The following CHD1 variants were observed in gnomAD, a reference collection of about 807,000 sequenced individuals.
CHD1 encodes chromodomain helicase DNA binding protein 1.
Under a neutral mutation model 224.2 loss-of-function variants are expected in CHD1, and 36 were observed. That is an observed-to-expected ratio of 0.16 (90% CI 0.12 to 0.21). The LOEUF is 0.21. Among genes scored for constraint, CHD1 ranks in the 10% least tolerant of loss-of-function variants. The pLI is 1.00. For missense variants in CHD1, 1,378 were observed against 1,994.8 expected (o/e 0.69, Z 5.89); for synonymous variants, 668 against 658.3 (o/e 1.01, Z -0.23).
At chr5:98,892,399 G>C (rs1751080839) in intron 15 of CHD1, 126 bp downstream of exon 15, 1 of 586,916 alleles carries the variant, frequency 1.7e-6, no homozygotes, top group Non-Finnish European at 2.8e-6. Context: ...AACTTATTCT[G>C]AAACTCGAGA....
At chr5:98,861,668 CTT>C (rs758149488) in intron 32 of CHD1, among the ~76,000 whole-genome samples, 16 of 139,912 alleles carry the variant, frequency 1.1e-4, no homozygotes, top group Admixed American at 1.4e-4. Context: ...TGCCCGACTA[CTT>C]TTTTTTTTTT....
intron 24 of CHD1, among the ~76,000 whole-genome samples, chr5:98,875,786 A>C (rs1322553742): frequency 1.3e-5 from 2 of 152,192 alleles, no homozygotes; most frequent in African/African-American, 4.8e-5. Flanking sequence ...AACTTTCAAA[A>C]TACAAAACTG....
intron 2 of CHD1, among the ~76,000 whole-genome samples, chr5:98,917,209 C>A (rs1752785415): frequency 6.6e-6 from 1 of 150,872 alleles, no homozygotes; most frequent in African/African-American, 2.5e-5. Context: ...AAATGCCTTA[C>A]CACCAAAGTC....
chr5:98,871,833 T>C (rs1050112184), intron 28 of CHD1, among the ~76,000 whole-genome samples: 37 of 152,160 alleles, frequency 2.4e-4, no homozygotes, highest in Non-Finnish European at 4.7e-4. Context: ...ATACACCTAA[T>C]GCCTTAATAA....
chr5:98,907,358 G>C (rs530226815), intron 2 of CHD1, among the ~76,000 whole-genome samples: 24 of 152,260 alleles, frequency 1.6e-4, no homozygotes, highest in Middle Eastern at 3.4e-3. Flanking sequence ...GAAGGCAGAG[G>C]GGGGCGGATC....
At chr5:98,872,864 C>A (rs1749461048) in intron 26 of CHD1, among the ~76,000 whole-genome samples, 1 of 152,184 alleles carries the variant, frequency 6.6e-6, no homozygotes, top group African/African-American at 2.4e-5. Flanking sequence ...CTCTGTCGCC[C>A]AGGCTGGAAG....
At chr5:98,925,392 C>T (rs1031182665) in intron 2 of CHD1, among the ~76,000 whole-genome samples, 10 of 152,150 alleles carry the variant, frequency 6.6e-5, no homozygotes, top group Non-Finnish European at 1.3e-4. Context: ...CCAACAAGCC[C>T]AGCCGTGAAC....
At chr5:98,888,913 G>A (rs909943224) in intron 16 of CHD1, among the ~76,000 whole-genome samples, 163 bp downstream of exon 16, 1 of 152,134 alleles carries the variant, frequency 6.6e-6, no homozygotes, top group African/African-American at 2.4e-5. Context: ...GAATTTTAAA[G>A]TCTTTTCTAC....
At chr5:98,869,390 C>T in intron 30 of CHD1, 1 of 372,990 alleles carries the variant, frequency 2.7e-6, no homozygotes, top group South Asian at 9.6e-5. Context: ...GCCCAGAATC[C>T]CCCTAATAAT....
At chr5:98,916,541 G>A (rs552209760) in intron 2 of CHD1, among the ~76,000 whole-genome samples, 64 of 77,132 alleles carry the variant, frequency 8.3e-4, no homozygotes, top group Admixed American at 1.3e-3. Flanking sequence ...GTGAAACTCC[G>A]TCTCAAAAAA....
chr5:98,915,696 G>A (rs1189781386), intron 2 of CHD1, among the ~76,000 whole-genome samples: 1 of 152,010 alleles, frequency 6.6e-6, no homozygotes, highest in Non-Finnish European at 1.5e-5. Flanking sequence ...AACACATAGA[G>A]AAATTATGTT....
chr5:98,899,760 A>T, intron 7 of CHD1, 55 bp from the exon 8 acceptor site: 1 of 1,266,454 alleles, frequency 7.9e-7, no homozygotes, highest in Non-Finnish European at 1.1e-6. Flanking sequence ...GTAGGATTAT[A>T]TTTCAACTCA....
At chr5:98,876,238 A>G (rs1419485487) in intron 24 of CHD1, among the ~76,000 whole-genome samples, 160 bp downstream of exon 24, 1 of 152,248 alleles carries the variant, frequency 6.6e-6, no homozygotes, top group African/African-American at 2.4e-5. Flanking sequence ...TTGTTCAGTT[A>G]TAACAAATAC....
intron 20 of CHD1, 53 bp from the exon 21 acceptor site, chr5:98,881,428 T>A: frequency 1.2e-6 from 1 of 817,188 alleles, no homozygotes; most frequent in Non-Finnish European, 1.9e-6. Flanking sequence ...AATATAACAG[T>A]TACACAGCAC....
At chr5:98,912,639 C>T (rs1752495711) in intron 2 of CHD1, among the ~76,000 whole-genome samples, 1 of 151,982 alleles carries the variant, frequency 6.6e-6, no homozygotes, top group Non-Finnish European at 1.5e-5. Flanking sequence ...CCATGGTACT[C>T]CATCCCGAGC....
intron 31 of CHD1, among the ~76,000 whole-genome samples, chr5:98,865,070 GAAGA>G (rs1748756448): frequency 1.3e-5 from 2 of 152,258 alleles, no homozygotes; most frequent in South Asian, 2.1e-4. Context: ...AAAAATAAAG[GAAGA>G]AAGAGCAGGG....
At chr5:98,897,524 C>G (rs767777043) in intron 10 of CHD1, among the ~76,000 whole-genome samples, 20 of 152,176 alleles carry the variant, frequency 1.3e-4, no homozygotes, top group Non-Finnish European at 1.8e-4. Flanking sequence ...AATATTTTGC[C>G]TTCTTTTTTA....
At chr5:98,906,422 A>G (rs1349424447) in intron 2 of CHD1, among the ~76,000 whole-genome samples, 5 of 152,160 alleles carry the variant, frequency 3.3e-5, no homozygotes, top group Admixed American at 3.3e-4. Flanking sequence ...TTTAGCAAGG[A>G]TATTAAAAGA....
In CHD1 at chr5:98,883,600, A is replaced by G. The variant is rs140333835; in HGVS notation, c.2569-363T>C. Among the ~76,000 whole-genome samples the G allele has an allele frequency of 1.1e-3, 171 of 152,042 alleles. 3 individuals are homozygous for G. The East Asian group carries it at 0.024, about 21-fold the overall frequency. ...ACTACCACTTGATCCCAGGAATCCC[A>G]CTACTGAGTATCTGCCCAGAGCAAA... is the stretch of plus-strand genomic sequence containing the variant. On this transcript the variant is annotated intron_variant, in intron 18 of 35. Coordinates refer to ENST00000614616, the MANE Select transcript of CHD1 (RefSeq NM_001270.4).
Sources: allele counts gnomAD v4.1 joint callset (sites outside exome capture counted in the v4.1 genomes callset), GRCh38; gene constraint gnomAD v4.1.1; transcripts MANE v1.5; gene names NCBI Gene and HGNC (gene_info 2026-07-23, HGNC 2026-07-21).